NCOR1: variants seen among roughly 807,000 people sequenced by gnomAD.
The protein encoded by NCOR1 is nuclear receptor corepressor 1.
NCOR1 carries 63 observed loss-of-function variants against 288.1 expected under a neutral mutation model. The observed-to-expected ratio is 0.22, with a 90% CI of 0.18 to 0.27. The LOEUF (loss-of-function observed/expected upper bound fraction) is 0.27. NCOR1 is among the 10% of genes least tolerant of loss of function. NCOR1 has a pLI of 1.00. For synonymous variants in NCOR1, 1,007 were observed against 1,065.9 expected (o/e 0.94, Z 1.08); for missense variants, 2,397 against 3,019.2 (o/e 0.79, Z 4.83).
At chr17:16,058,680 T>C in intron 37 of NCOR1, 81 bp from the exon 38 acceptor site, 1 of 1,334,298 alleles carries the variant, frequency 7.5e-7, no homozygotes, top group Non-Finnish European at 1.0e-6. Context: ...CTGTAGCATT[T>C]TTTCAATTCT....
chr17:16,175,374 TA>T (rs780538344), intron 3 of NCOR1, among the ~76,000 whole-genome samples: 75 of 144,202 alleles, frequency 5.2e-4, no homozygotes, highest in Admixed American at 1.0e-3. Context: ...ATTTGTCTTT[TA>T]AAAAAAAAAA....
intron 37 of NCOR1, among the ~76,000 whole-genome samples, chr17:16,058,802 T>G (rs1012232040): frequency 6.6e-6 from 1 of 151,892 alleles, no homozygotes; most frequent in African/African-American, 2.4e-5. Flanking sequence ...ATCCCAGCAC[T>G]TTGGAAGGCC....
intron 1 of NCOR1, among the ~76,000 whole-genome samples, chr17:16,208,637 G>A (rs191338697): frequency 0.015 from 2,240 of 151,698 alleles, 27 homozygotes; most frequent in South Asian, 0.028. Flanking sequence ...GATCACTTGA[G>A]CCCAGCAATT....
chr17:16,198,374 A>AC (rs995122937), intron 1 of NCOR1: 11 of 152,300 alleles, frequency 7.2e-5, no homozygotes, highest in African/African-American at 2.7e-4. Flanking sequence ...AAAAAAAAAA[A>AC]AAAACATCTT....
At chr17:16,154,448 G>A (rs528198889) in intron 6 of NCOR1, among the ~76,000 whole-genome samples, 3 of 152,312 alleles carry the variant, frequency 2.0e-5, no homozygotes, top group African/African-American at 7.2e-5. Context: ...ACCACAGGAA[G>A]ATGAGGGGTC....
In NCOR1 at chr17:16,146,607, C is replaced by G. The variant is rs1486790652; in HGVS notation, c.910-59G>C. 9 of 1,391,272 alleles carry G rather than the reference C, an allele frequency of 6.5e-6. No individual in the cohort carries two copies. The Admixed American group carries it at 1.0e-4, about 16-fold the overall frequency. 86.2% of individuals were successfully genotyped at this position (1,391,272 alleles called of 1,614,324 possible). A position where few individuals can be genotyped will look rare whatever the true frequency, so the allele number is the denominator to read the frequency against. On this transcript the variant is annotated intron_variant, in intron 9 of 45. Transcript: ENST00000268712. ...AAACTAAACTCTGATTCTGACAAACCTAATACTTTAAAATAAATGCTACTT... is the reference window on the plus strand; with the variant it reads ...AAACTAAACTCTGATTCTGACAAACGTAATACTTTAAAATAAATGCTACTT...
intron 4 of NCOR1, among the ~76,000 whole-genome samples, chr17:16,171,349 A>C (rs2083112036): frequency 6.6e-6 from 1 of 152,048 alleles, no homozygotes; most frequent in Admixed American, 6.6e-5. Flanking sequence ...ATTAGGAACA[A>C]TTTTCTTTTG....
intron 12 of NCOR1, among the ~76,000 whole-genome samples, chr17:16,138,593 CAGA>C (rs991229963): frequency 4.6e-5 from 7 of 152,124 alleles, no homozygotes; most frequent in Non-Finnish European, 1.0e-4. Flanking sequence ...TCAAAAAAAA[CAGA>C]AGAGAAATAC....
chr17:16,109,099 T>A (rs548862646), intron 18 of NCOR1, among the ~76,000 whole-genome samples, 187 bp from the exon 19 acceptor site: 1 of 152,164 alleles, frequency 6.6e-6, no homozygotes, highest in South Asian at 2.1e-4. Context: ...AAATTTTGTG[T>A]AGATGGCTCG....
chr17:16,071,777 A>G, intron 29 of NCOR1, 112 bp from the exon 30 acceptor site: 1 of 994,242 alleles, frequency 1.0e-6, no homozygotes, highest in East Asian at 2.6e-5. Context: ...CATATATTTT[A>G]ACATAATTTA....
chr17:16,081,643 C>T (rs1171717262), intron 23 of NCOR1, among the ~76,000 whole-genome samples: 2 of 152,122 alleles, frequency 1.3e-5, no homozygotes, highest in African/African-American at 4.8e-5. Context: ...TGGGAGACTC[C>T]ATTCACAAAG....
At chr17:16,142,658 T>C (rs2077319112) in intron 11 of NCOR1, among the ~76,000 whole-genome samples, 1 of 152,170 alleles carries the variant, frequency 6.6e-6, no homozygotes, top group African/African-American at 2.4e-5. Flanking sequence ...CTCATGAAGA[T>C]GACACTTTAG....
chr17:16,062,232 C>G lies in NCOR1; in HGVS notation c.5260G>C (p.Val1754Leu). Reference sequence around the variant, plus strand: ...CTTACTGAAGGGGAAGGGGAGCGAACATATCCATGACTGCCAGGTCGGCCA... The same window carrying G: ...CTTACTGAAGGGGAAGGGGAGCGAAGATATCCATGACTGCCAGGTCGGCCA... ...QPGRPGSHGY[V>L]RSPSPSVRTQ... The change falls in exon 36 of 46, where the codon GTT becomes CTT. Residue 1754 changes from valine to leucine, a missense_variant. Around this residue, in one of 11 missense-constraint regions of NCOR1, gnomAD observed 1,872 missense variants for 2,187.8 expected, o/e 0.86. Coordinates refer to ENST00000268712, the MANE Select transcript of NCOR1 (RefSeq NM_006311.4). 6.2e-7 allele frequency: 1 copy of G among 1,612,630 alleles called. No homozygotes were observed. The highest frequency in any genetic ancestry group is 8.5e-7 in the Non-Finnish European group (1 of 1,179,744).
chr17:16,091,828 T>A, intron 22 of NCOR1, 35 bp downstream of exon 22: 3 of 1,612,966 alleles, frequency 1.9e-6, no homozygotes, highest in Non-Finnish European at 2.5e-6. Flanking sequence ...TTTCCCTTCA[T>A]AAAAGTTCTC....
At chr17:16,064,295 T>G in intron 34 of NCOR1, 108 bp from the exon 35 acceptor site, 1 of 1,418,738 alleles carries the variant, frequency 7.0e-7, no homozygotes, top group Non-Finnish European at 9.6e-7. Context: ...AGCTTCAAAT[T>G]TGGGATATAA....
intron 26 of NCOR1, among the ~76,000 whole-genome samples, chr17:16,079,039 T>C (rs1356089256): frequency 6.6e-6 from 1 of 152,212 alleles, no homozygotes; most frequent in African/African-American, 2.4e-5. Flanking sequence ...CTGACATTTC[T>C]GCATTATTCT....
Position 16,083,102 on chromosome 17 carries a change from G to A in NCOR1, c.3178-2375C>T, listed in dbSNP as rs375171473. On this transcript the variant is annotated intron_variant, in intron 23 of 45. Transcript: ENST00000268712. ...AAAAAGATTAGCCAGACAGGGTGGC[G>A]TGCACCTGTAGTCCCAGCTACTTGG... Among the ~76,000 whole-genome samples, 21 of 152,114 alleles carry A rather than the reference G, an allele frequency of 1.4e-4. No homozygotes were observed. In the South Asian group the frequency reaches 2.1e-3, roughly 15 times the overall value.
chr17:16,160,638 A>C (rs527473131), intron 5 of NCOR1, among the ~76,000 whole-genome samples: 65 of 152,318 alleles, frequency 4.3e-4, no homozygotes, highest in Non-Finnish European at 7.1e-4. Flanking sequence ...TAAAGATACA[A>C]AAAATTAGCT....
chr17:16,072,401 T>C (rs1462116946), intron 28 of NCOR1, among the ~76,000 whole-genome samples, 173 bp from the exon 29 acceptor site: 1 of 152,218 alleles, frequency 6.6e-6, no homozygotes, highest in Non-Finnish European at 1.5e-5. Flanking sequence ...ACACAGTCCT[T>C]TGTAAATATT....
Sources: gnomAD v4.1 joint callset for allele counts (sites outside exome capture counted in the v4.1 genomes callset) on GRCh38, gnomAD v4.1.1 for gene constraint, gnomAD v4.1.1 regional missense constraint, MANE v1.5 for transcripts, NCBI Gene and HGNC (gene_info 2026-07-23, HGNC 2026-07-21) for gene names.